SLFN12L: variants seen among roughly 807,000 people sequenced by gnomAD.
SLFN12L encodes the protein schlafen family member 12-like.
Under a neutral mutation model 34.8 loss-of-function variants are expected in SLFN12L, and 34 were observed. That is an observed-to-expected ratio of 0.98 (90% CI 0.74 to 1.30). SLFN12L has a LOEUF of 1.30. Ranked by LOEUF, SLFN12L falls within the 50% of genes most tolerant of loss-of-function variation. The pLI is 0.00. For synonymous variants in SLFN12L, 259 were observed against 247.5 expected, an observed-to-expected ratio of 1.05 and a Z score of -0.44; for missense variants, 703 against 696.2, an observed-to-expected ratio of 1.01 and a Z score of -0.11.
chr17:35,518,522 G>A (rs1915903449), intron 2 of SLFN12L, among the ~76,000 whole-genome samples: 1 of 147,056 alleles, frequency 6.8e-6, no homozygotes, highest in South Asian at 2.1e-4. Context: ...CTGCACTCCA[G>A]CCTGGGAGAC....
In SLFN12L at chr17:35,522,959, T is replaced by C. The variant is rs550923590; in HGVS notation, c.-595A>G. On this transcript the variant is annotated 5_prime_UTR_variant, in exon 2 of 5. Coordinates refer to ENST00000628453, the MANE Select transcript of SLFN12L (RefSeq NM_001363830.2). The stretch of plus-strand genomic sequence containing the variant: ...GGGATTCCAGAGTACATCGCAAATA[T>C]CCTGGTAGCACTAGATGTGAAAAGA... The C allele has an allele frequency of 4.8e-4, 256 of 530,942 alleles. No individual in the cohort carries two copies. The highest frequency in any genetic ancestry group is 9.7e-4 in the Admixed American group (29 of 29,980). 32.9% of individuals were successfully genotyped at this position (530,942 alleles called of 1,614,324 possible).
rs1913742336 is a variant in SLFN12L, at chr17:35,468,003, G to A, written c.*6920C>T. ...CGATTCACTCCCCACTCTACTTCCT[G>A]GGTTCAGACAATCCTCTCACCTCAG... On this transcript the variant is annotated 3_prime_UTR_variant, in exon 5 of 5. Coordinates refer to ENST00000628453, the MANE Select transcript of SLFN12L (RefSeq NM_001363830.2). Among the ~76,000 whole-genome samples, 1 of 152,122 alleles carries A rather than the reference G, an allele frequency of 6.6e-6. No individual in the cohort carries two copies. Among genetic ancestry groups the A allele is most frequent in the South Asian group, 2.1e-4 (1 of 4,830 alleles).
intron 2 of SLFN12L, among the ~76,000 whole-genome samples, chr17:35,489,207 G>A (rs9898870): frequency 1.3e-5 from 2 of 151,982 alleles, no homozygotes; most frequent in South Asian, 2.1e-4. Flanking sequence ...GTAGTGCAGG[G>A]ATTTTCCCAG....
chr17:35,494,242 C>A (rs1209079063), intron 2 of SLFN12L, among the ~76,000 whole-genome samples: 61 of 150,602 alleles, frequency 4.1e-4, no homozygotes, highest in Admixed American at 1.3e-4. Flanking sequence ...AAAAAAACAA[C>A]AAAAAAGCTT....
At chr17:35,498,895 A>G (rs889805051) in intron 2 of SLFN12L, 1 of 698,490 alleles carries the variant, frequency 1.4e-6, no homozygotes, top group Non-Finnish European at 2.6e-6. Context: ...GAGGCCCCTG[A>G]TATGCCCAGC....
In SLFN12L at chr17:35,484,361, G is replaced by T. The variant is rs114905555; in HGVS notation, c.87-4166C>A. 2.6e-5 allele frequency among the ~76,000 whole-genome samples: 4 copies of T among 152,260 alleles called. No homozygotes were observed. The South Asian group carries it at 8.3e-4, about 32-fold the overall frequency. On this transcript the variant is annotated intron_variant, in intron 2 of 4. Transcript: ENST00000628453. ...GTTTTCAAACTGCAGGAAATCAAGCGAGGACTCCCAATCATTTAAGACACC... is the reference window on the plus strand; with the variant it reads ...GTTTTCAAACTGCAGGAAATCAAGCTAGGACTCCCAATCATTTAAGACACC...
At chr17:35,534,053 CAGA>C (rs923007299) in intron 1 of SLFN12L, among the ~76,000 whole-genome samples, 8 of 149,684 alleles carry the variant, frequency 5.3e-5, no homozygotes, top group Non-Finnish European at 1.0e-4. Context: ...GGCTGGGCAA[CAGA>C]AGGAGACTCT....
chr17:35,489,878 C>A, intron 2 of SLFN12L: 1 of 786,716 alleles, frequency 1.3e-6, no homozygotes, highest in South Asian at 1.6e-5. Flanking sequence ...GGAACACCAA[C>A]CTTGTGGAAT....
chr17:35,520,266 A>G (rs554972182), intron 2 of SLFN12L, among the ~76,000 whole-genome samples: 1 of 152,340 alleles, frequency 6.6e-6, no homozygotes, highest in African/African-American at 2.4e-5. Context: ...TTGACTGGAC[A>G]AGAGACTGAT....
intron 1 of SLFN12L, among the ~76,000 whole-genome samples, chr17:35,526,248 C>A (rs577550813): frequency 6.6e-6 from 1 of 152,272 alleles, no homozygotes; most frequent in South Asian, 2.1e-4. Context: ...GACTCCCACA[C>A]AGTAATAGTG....
At chr17:35,530,488 G>GAA (rs1237308707) in intron 1 of SLFN12L, among the ~76,000 whole-genome samples, 1 of 48,796 alleles carries the variant, frequency 2.0e-5, no homozygotes, top group African/African-American at 5.9e-5. Flanking sequence ...AAGAAAGAAA[G>GAA]AAAGAAAGAA....
In SLFN12L at chr17:35,466,495, GA is replaced by G. The variant is rs1037326287; in HGVS notation, c.*8427del. The stretch of plus-strand genomic sequence containing the variant: ...CACCTTCCTCTGGGAGCACAGATAT[GA>G]TATTACATTAATAACCTCCTCCAAG... On this transcript the variant is annotated 3_prime_UTR_variant, in exon 5 of 5. Coordinates refer to ENST00000628453, the MANE Select transcript of SLFN12L (RefSeq NM_001363830.2). Among the ~76,000 whole-genome samples, 2 of 152,194 alleles carry G rather than the reference GA, an allele frequency of 1.3e-5. No individual in the cohort carries two copies. The highest frequency in any genetic ancestry group is 2.9e-5 in the Non-Finnish European group (2 of 68,030).
At chr17:35,514,124 A>G (rs983347363) in intron 2 of SLFN12L, among the ~76,000 whole-genome samples, 2 of 152,224 alleles carry the variant, frequency 1.3e-5, no homozygotes, top group Non-Finnish European at 2.9e-5. Context: ...TGATTGGGGT[A>G]TACATAAATC....
chr17:35,532,019 T>C (rs1342179833), intron 1 of SLFN12L, among the ~76,000 whole-genome samples: 1 of 152,118 alleles, frequency 6.6e-6, no homozygotes, highest in Admixed American at 6.5e-5. Flanking sequence ...TCTTCTCCCT[T>C]TAAGACCCAA....
intron 1 of SLFN12L, among the ~76,000 whole-genome samples, chr17:35,530,419 AAGG>A: frequency 1.1e-4 from 2 of 18,468 alleles, no homozygotes; most frequent in African/African-American, 3.4e-4. Flanking sequence ...GGAAGGAAGG[AAGG>A]AAGGAAGGGA....
intron 2 of SLFN12L, among the ~76,000 whole-genome samples, chr17:35,484,751 C>A (rs548730717): frequency 9.9e-4 from 150 of 152,214 alleles, no homozygotes; most frequent in Non-Finnish European, 1.8e-3. Flanking sequence ...GATTGGATTG[C>A]CAGGATGGTG....
Position 35,479,808 on chromosome 17 carries a change from ACCAGAGGTTT to A in SLFN12L, c.464_473del (p.Glu155ValfsTer7), listed in dbSNP as rs750601930. 16 of 1,610,802 alleles carry A rather than the reference ACCAGAGGTTT, an allele frequency of 9.9e-6. No individual in the cohort carries two copies. The highest frequency in any genetic ancestry group is 1.4e-5 in the Non-Finnish European group (16 of 1,178,454). ...TGGAGCTCAACGTGGCAATCTGCGG[ACCAGAGGTTT>A]CCAAGCTCCATGATTTCACAAAAAT... On this transcript the variant is annotated frameshift_variant, in exon 3 of 5. Coordinates refer to ENST00000628453, the MANE Select transcript of SLFN12L (RefSeq NM_001363830.2). LOFTEE classifies it high-confidence loss of function.
At chr17:35,504,245 TA>T (rs1019788294) in intron 2 of SLFN12L, among the ~76,000 whole-genome samples, 1 of 152,208 alleles carries the variant, frequency 6.6e-6, no homozygotes, top group African/African-American at 2.4e-5. Flanking sequence ...AGATTTTGAT[TA>T]AAAACCCCAG....
At chr17:35,530,508 G>GAAAGAAAGAAAAGA (rs1555545979) in intron 1 of SLFN12L, among the ~76,000 whole-genome samples, 4 of 32,750 alleles carry the variant, frequency 1.2e-4, no homozygotes, top group Admixed American at 2.9e-4. Context: ...AAGAAAGAAA[G>GAAAGAAAGAAAAGA]AAAGAAAAGA....
Sources: allele counts gnomAD v4.1 joint callset (sites outside exome capture counted in the v4.1 genomes callset), GRCh38; gene constraint gnomAD v4.1.1; transcripts MANE v1.5; gene names NCBI Gene and HGNC (gene_info 2026-07-23, HGNC 2026-07-21).